Variants in SPNS1 observed in about 807,000 individuals in gnomAD.
SPNS1 encodes protein spinster homolog 1.
SPNS1 carries 22 observed loss-of-function variants against 50.3 expected under a neutral mutation model. That is an observed-to-expected ratio of 0.44 (90% confidence interval 0.31 to 0.62). The LOEUF is 0.62. Ranked by LOEUF, SPNS1 falls within the 20% of genes least tolerant of loss-of-function variation. SPNS1 has a pLI of 0.07. For synonymous variants in SPNS1, 295 were observed against 317.4 expected, an observed-to-expected ratio of 0.93 and a Z score of 0.75; for missense variants, 576 against 728.6, an observed-to-expected ratio of 0.79 and a Z score of 2.41.
chr16:28,975,202 C>A lies in SPNS1; in HGVS notation c.51C>A (p.Asp17Glu). 1 of 1,502,588 alleles carries A rather than the reference C, an allele frequency of 6.7e-7. No individual in the cohort carries two copies. Among genetic ancestry groups the A allele is most frequent in the South Asian group, 1.2e-5 (1 of 81,004 alleles). The allele number at this position is 1,502,588 out of a possible 1,614,324, so 93.1% of individuals were successfully genotyped here. The change falls in exon 1 of 12, where the codon GAC becomes GAA. Residue 17 changes from aspartate to glutamate, a missense_variant. Around this residue, in one of 3 missense-constraint regions of SPNS1, gnomAD observed 144 missense variants for 181.2 expected, o/e 0.79. Coordinates refer to ENST00000311008, the MANE Select transcript of SPNS1 (RefSeq NM_032038.3). ...TCCTCAGCCAGGCGGATGACCCGGA[C>A]GACGGGCCAGTGCCTGGCACCCCGG... is the stretch of plus-strand genomic sequence containing the variant. The part of the protein sequence containing the change: ...APFLSQADDP[D>E]DGPVPGTPGL...
At chr16:28,980,661 C>T (rs1015493033) in intron 5 of SPNS1, 1 of 152,016 alleles carries the variant, frequency 6.6e-6, no homozygotes, top group African/African-American at 2.4e-5. Context: ...ACCACCCTGG[C>T]TAACACAGTG....
intron 2 of SPNS1, among the ~76,000 whole-genome samples, chr16:28,976,626 AG>A (rs1362086392): frequency 1.3e-5 from 2 of 152,218 alleles, no homozygotes; most frequent in African/African-American, 4.8e-5. Flanking sequence ...AGACTTGCCC[AG>A]GGTCACACCA....
chr16:28,974,947 C>G lies in SPNS1; in HGVS notation c.-205C>G. 6.7e-7 allele frequency: 1 copy of G among 1,491,010 alleles called. No homozygotes were observed. Among genetic ancestry groups the G allele is most frequent in the Non-Finnish European group, 8.9e-7 (1 of 1,119,992 alleles). The allele number at this position is 1,491,010 out of a possible 1,614,324, so 92.4% of individuals were successfully genotyped here. A position where few individuals can be genotyped will look rare whatever the true frequency, so the allele number is the denominator to read the frequency against. Reference sequence around the variant, plus strand: ...TCACGTGTATTCCGCACGTCCCCTCCGCGCTGTGTGTCTACTGAGACGGGG... The same window carrying G: ...TCACGTGTATTCCGCACGTCCCCTCGGCGCTGTGTGTCTACTGAGACGGGG... On this transcript the variant is annotated 5_prime_UTR_variant, in exon 1 of 12. Coordinates refer to ENST00000311008, the MANE Select transcript of SPNS1 (RefSeq NM_032038.3).
rs899795886 is a variant in SPNS1 at position 28,975,317 on chromosome 16, G to T, written c.166G>T (p.Gly56Cys). 1.3e-6 allele frequency: 2 copies of T among 1,584,502 alleles called. No homozygotes were observed. The highest frequency in any genetic ancestry group is 2.7e-5 in the African/African-American group (2 of 74,408). Residue 56 changes from glycine (G) to cysteine (C), a missense_variant, in exon 1 of 12, where the codon GGC becomes TGC. Physicochemically the swap from Gly to Cys is radical, Grantham distance 159. Transcript: ENST00000311008. Reference protein sequence around the residue: ...GLQRITGLSPGRSALIVAVLC... With the variant: ...GLQRITGLSPCRSALIVAVLC... ...GCAGCGCATCACCGGCCTGTCTCCC[G>T]GCCGTTCGGCTCTCATAGTGGCGGT...
intron 4 of SPNS1, 26 bp from the exon 5 acceptor site, chr16:28,979,379 C>A: frequency 1.2e-6 from 2 of 1,614,084 alleles, no homozygotes; most frequent in Non-Finnish European, 1.7e-6. Flanking sequence ...GCTGTCCCCC[C>A]TTTTTCCCCT....
In SPNS1 at chr16:28,975,191, G is replaced by C. The variant is rs764305296; in HGVS notation, c.40G>C (p.Asp14His). Reference sequence around the variant, plus strand: ...CACCGCGCCCTTCCTCAGCCAGGCGGATGACCCGGACGACGGGCCAGTGCC... The same window carrying C: ...CACCGCGCCCTTCCTCAGCCAGGCGCATGACCCGGACGACGGGCCAGTGCC... ...SDTAPFLSQA[D>H]DPDDGPVPGT... Residue 14 changes from aspartate to histidine, a missense_variant, in exon 1 of 12, where the codon GAT becomes CAT. Physicochemically the swap from Asp to His is moderately conservative, Grantham distance 81 (BLOSUM62 -1). This residue lies in a region of SPNS1 where 144 missense variants were observed against 181.2 expected (regional missense o/e 0.79). Transcript: ENST00000311008. 53 of 1,497,648 alleles carry C rather than the reference G, an allele frequency of 3.5e-5. No homozygotes were observed. In the Middle Eastern group the frequency reaches 1.6e-3, roughly 46 times the overall value. The allele number at this position is 1,497,648 out of a possible 1,614,324, so 92.8% of individuals were successfully genotyped here.
At position 28,983,057 on chromosome 16, in the gene SPNS1, C is replaced by T. The variant is rs554778571; in HGVS notation, c.1221+135C>T. 2.8e-5 allele frequency: 34 copies of T among 1,231,940 alleles called. No individual in the cohort carries two copies. The highest frequency in any genetic ancestry group is 7.4e-5 in the African/African-American group (5 of 67,150). The allele number at this position is 1,231,940 out of a possible 1,614,324, so 76.3% of individuals were successfully genotyped here. On this transcript the variant is annotated intron_variant, in intron 9 of 11. Coordinates refer to ENST00000311008, the MANE Select transcript of SPNS1 (RefSeq NM_032038.3). This position sits in a 1 kb window ranked among gnomAD's most constrained non-coding sequence, Gnocchi z 5.4. ...ATAAATAACATCTGTAGCAGACCCC[C>T]GGCCTGCCCTGCGACCTCAACCCCA...
At position 28,983,890 on chromosome 16, in the gene SPNS1, C is replaced by T. The variant is rs113165798; in HGVS notation, c.1425C>T (p.Gly475=). 10,390 of 1,601,446 alleles carry T rather than the reference C, an allele frequency of 6.5e-3. 42 individuals are homozygous for T. Among genetic ancestry groups the T allele is most frequent in the Non-Finnish European group, 7.9e-3 (9,370 of 1,179,058 alleles). Residue 475 remains glycine (G), a synonymous_variant, in exon 11 of 12, where the codon GGC becomes GGT. Transcript: ENST00000311008. This position sits in a 1 kb window ranked among gnomAD's most constrained non-coding sequence, Gnocchi z 5.4. The part of the protein sequence containing the change: ...MLCAFVGALG[G]AAFLGTAIFI... ...GCGCGTTTGTTGGGGCACTGGGCGG[C>T]GCAGCCTTCCTGGGCACCGCCATCT...
Position 28,983,145 on chromosome 16 carries a change from C to A in SPNS1, c.1222-47C>A. 6.8e-7 allele frequency: 1 copy of A among 1,476,546 alleles called. No individual in the cohort carries two copies. The highest frequency in any genetic ancestry group is 9.5e-7 in the Non-Finnish European group (1 of 1,056,794). 91.5% of individuals were successfully genotyped at this position (1,476,546 alleles called of 1,614,324 possible). On this transcript the variant is annotated intron_variant, in intron 9 of 11. Coordinates refer to ENST00000311008, the MANE Select transcript of SPNS1 (RefSeq NM_032038.3). The surrounding 1 kb of genome is among the most constrained non-coding windows in gnomAD (Gnocchi z 5.4). ...GGTCTCCTGGCCCCCTGCCTCCTGC[C>A]CCCTGGAGCCCAGAGCATCCACTGA...
At chr16:28,978,431 G>A (rs983616942) in intron 3 of SPNS1, 1 of 185,478 alleles carries the variant, frequency 5.4e-6, no homozygotes, top group Non-Finnish European at 1.1e-5. Context: ...ACTTCCTCAC[G>A]CCTGCTCACC....
In SPNS1 at chr16:28,982,004, C is replaced by G. The variant is rs755331679; in HGVS notation, c.913C>G (p.Leu305Val). 6.2e-7 allele frequency: 1 copy of G among 1,614,212 alleles called. No individual in the cohort carries two copies. Among genetic ancestry groups the G allele is most frequent in the South Asian group, 1.1e-5 (1 of 91,088 alleles). ...PAFLLRSRVVLGETPPCLPGD... is the reference protein window; with the variant it reads ...PAFLLRSRVVVGETPPCLPGD... ...ATTCCTGCTGCGTTCCCGCGTGGTC[C>G]TTGGGGAGACCCCACCCTGCCTTCC... Residue 305 changes from leucine to valine, a missense_variant, in exon 7 of 12, where the codon CTT becomes GTT. Transcript: ENST00000311008.
At position 28,981,796 on chromosome 16, in the gene SPNS1, C is replaced by T. The variant is rs193095728; in HGVS notation, c.810-105C>T. On this transcript the variant is annotated intron_variant, in intron 6 of 11. Transcript: ENST00000311008. The surrounding 1 kb of genome is among the most constrained non-coding windows in gnomAD (Gnocchi z 4.2). Reference sequence around the variant, plus strand: ...CCTGGGAGCCAGAACCACCTCTGCACGGTGTTGTGACCTTACTAAAATAAG... The same window carrying T: ...CCTGGGAGCCAGAACCACCTCTGCATGGTGTTGTGACCTTACTAAAATAAG... 51 of 1,525,680 alleles carry T rather than the reference C, an allele frequency of 3.3e-5. No individual in the cohort carries two copies. The highest frequency in any genetic ancestry group is 1.1e-4 in the East Asian group (5 of 44,224). 94.5% of individuals were successfully genotyped at this position (1,525,680 alleles called of 1,614,324 possible). A position where few individuals can be genotyped will look rare whatever the true frequency, so the allele number is the denominator to read the frequency against.
chr16:28,982,604 G>A, intron 8 of SPNS1, 59 bp downstream of exon 8: 1 of 1,523,724 alleles, frequency 6.6e-7, no homozygotes, highest in Non-Finnish European at 8.9e-7. Context: ...GGAGCAGTCA[G>A]CGTAATGGCC....
At chr16:28,978,716 TG>T (rs1965430389) in intron 3 of SPNS1, 1 of 171,482 alleles carries the variant, frequency 5.8e-6, no homozygotes, top group Non-Finnish European at 1.3e-5. Context: ...CCCAGAACTC[TG>T]TCCTCAGCCC....
intron 2 of SPNS1, among the ~76,000 whole-genome samples, chr16:28,976,447 C>G (rs1234212541): frequency 6.6e-6 from 1 of 152,100 alleles, no homozygotes; most frequent in Non-Finnish European, 1.5e-5. Context: ...GTGTGCCAGG[C>G]CTGGAGGAAG....
In SPNS1 at chr16:28,975,159, G is replaced by T. The variant is rs1323765425; in HGVS notation, c.8G>T (p.Gly3Val). The change falls in exon 1 of 12, where the codon GGG (glycine) becomes GTG (valine). Residue 3 changes from glycine (G) to valine (V), a missense_variant. Physicochemically the swap from Gly to Val is moderately radical, Grantham distance 109. Coordinates refer to ENST00000311008, the MANE Select transcript of SPNS1 (RefSeq NM_032038.3). MA[G>V]SDTAPFLSQA... The stretch of plus-strand genomic sequence containing the variant: ...GCGCGGCCCCCCGGGACCATGGCCG[G>T]GTCCGACACCGCGCCCTTCCTCAGC... 6.7e-7 allele frequency: 1 copy of T among 1,487,950 alleles called. No individual in the cohort carries two copies. The highest frequency in any genetic ancestry group is 8.9e-7 in the Non-Finnish European group (1 of 1,121,100). The allele number at this position is 1,487,950 out of a possible 1,614,324, so 92.2% of individuals were successfully genotyped here.
In SPNS1 at chr16:28,983,049, C is replaced by A; in HGVS notation, c.1221+127C>A. ...CTTCTGCAATAAATAACATCTGTAG[C>A]AGACCCCCGGCCTGCCCTGCGACCT... On this transcript the variant is annotated intron_variant, in intron 9 of 11. Coordinates refer to ENST00000311008, the MANE Select transcript of SPNS1 (RefSeq NM_032038.3). This position sits in a 1 kb window ranked among gnomAD's most constrained non-coding sequence, Gnocchi z 5.4. 7.9e-7 allele frequency: 1 copy of A among 1,269,242 alleles called. No homozygotes were observed. The highest frequency in any genetic ancestry group is 1.1e-6 in the Non-Finnish European group (1 of 885,988). The allele number at this position is 1,269,242 out of a possible 1,614,324, so 78.6% of individuals were successfully genotyped here.
At chr16:28,982,793 A>G in intron 8 of SPNS1, 64 bp from the exon 9 acceptor site, 2 of 1,565,940 alleles carry the variant, frequency 1.3e-6, no homozygotes, top group Non-Finnish European at 1.8e-6. Context: ...TGAGCTGGGA[A>G]CATGGTCAAC....
intron 2 of SPNS1, among the ~76,000 whole-genome samples, 162 bp from the exon 3 acceptor site, chr16:28,977,746 C>T (rs1965393935): frequency 6.6e-6 from 1 of 152,126 alleles, no homozygotes; most frequent in African/African-American, 2.4e-5. Flanking sequence ...CTGGACCATC[C>T]GCCTGACAGG....
Sources: allele counts gnomAD v4.1 joint callset (sites outside exome capture counted in the v4.1 genomes callset), GRCh38; gene constraint gnomAD v4.1.1; regional missense constraint gnomAD v4.1.1; non-coding constraint Gnocchi (gnomAD v3.1); transcripts MANE v1.5; gene names NCBI Gene and HGNC (gene_info 2026-07-23, HGNC 2026-07-21).